Variants in ANKS1B observed in about 807,000 individuals in gnomAD.
ANKS1B encodes the protein ankyrin repeat and sterile alpha motif domain containing 1B, also known as ankyrin repeat and sterile alpha motif domain-containing protein 1B.
ANKS1B carries 36 observed loss-of-function variants against 148.3 expected under a neutral mutation model. The observed-to-expected ratio is 0.24, with a 90% CI of 0.19 to 0.32. The LOEUF is 0.32. Among genes scored for constraint, ANKS1B ranks in the 10% least tolerant of loss-of-function variants. ANKS1B has a pLI of 1.00. For synonymous variants in ANKS1B, 542 were observed against 560.8 expected (o/e 0.97, Z 0.47); for missense variants, 1,157 against 1,542.6 (o/e 0.75, Z 4.19).
At chr12:99,086,946 A>C (rs2052075820) in intron 15 of ANKS1B, among the ~76,000 whole-genome samples, 1 of 152,156 alleles carries the variant, frequency 6.6e-6, no homozygotes, top group South Asian at 2.1e-4. Context: ...GGGCATGGAG[A>C]CCACTGTGGT....
intron 17 of ANKS1B, among the ~76,000 whole-genome samples, chr12:98,874,467 A>G (rs1482701269): frequency 6.6e-6 from 1 of 152,218 alleles, no homozygotes; most frequent in African/African-American, 2.4e-5. Context: ...TAGCTTGAAC[A>G]TGAACTGAGG....
rs371428936 is a variant in ANKS1B at position 99,399,131 on chromosome 12, T to G, written c.1756+500A>C. Among the ~76,000 whole-genome samples the G allele has an allele frequency of 3.4e-4, 51 of 152,204 alleles. 1 individual carries two copies. The South Asian group carries it at 0.011, about 32-fold the overall frequency. On this transcript the variant is annotated intron_variant, in intron 12 of 26. Transcript: ENST00000683438. The stretch of plus-strand genomic sequence containing the variant: ...CATGGAACAATGTATGTTTTACTAG[T>G]GGGTGGTGTTATTTTTCTTAATCTT...
chr12:99,128,835 C>T (rs1032806094), intron 15 of ANKS1B, among the ~76,000 whole-genome samples: 19 of 152,252 alleles, frequency 1.2e-4, no homozygotes, highest in Non-Finnish European at 2.5e-4. Context: ...AAGTGGAATT[C>T]TGTGGCAAAA....
At chr12:99,366,683 C>A (rs995998708) in intron 12 of ANKS1B, among the ~76,000 whole-genome samples, 1 of 152,092 alleles carries the variant, frequency 6.6e-6, no homozygotes, top group Admixed American at 6.6e-5. Flanking sequence ...CTATCTTATA[C>A]ATTATCTCAA....
intron 15 of ANKS1B, among the ~76,000 whole-genome samples, chr12:99,092,323 C>T (rs2054297668): frequency 6.6e-6 from 1 of 152,036 alleles, no homozygotes; most frequent in Non-Finnish European, 1.5e-5. Context: ...TGGGGTGGCA[C>T]CTCTGTCCTA....
At chr12:99,525,305 T>A (rs1294887902) in intron 9 of ANKS1B, among the ~76,000 whole-genome samples, 1 of 152,216 alleles carries the variant, frequency 6.6e-6, no homozygotes, top group African/African-American at 2.4e-5. Context: ...TTCTCGTTTT[T>A]AAATGTAATA....
At chr12:99,208,918 T>C (rs2083002999) in intron 14 of ANKS1B, among the ~76,000 whole-genome samples, 1 of 152,200 alleles carries the variant, frequency 6.6e-6, no homozygotes, top group African/African-American at 2.4e-5. Flanking sequence ...TACTTTTTCC[T>C]CTCTATTTGA....
intron 9 of ANKS1B, among the ~76,000 whole-genome samples, chr12:99,561,255 G>A (rs2097333466): frequency 6.6e-6 from 1 of 152,118 alleles, no homozygotes; most frequent in African/African-American, 2.4e-5. Flanking sequence ...ATTTTACCCA[G>A]AGCAGAACTT....
chr12:99,097,593 T>C (rs2056623281), intron 15 of ANKS1B: 2 of 152,152 alleles, frequency 1.3e-5, no homozygotes, highest in Non-Finnish European at 2.9e-5. Context: ...AAAAAGAATA[T>C]ACAGTTCTTC....
At chr12:98,783,242 G>A (rs2098754962) in intron 22 of ANKS1B, among the ~76,000 whole-genome samples, 1 of 152,248 alleles carries the variant, frequency 6.6e-6, no homozygotes, top group Non-Finnish European at 1.5e-5. Flanking sequence ...CACTGGAAAA[G>A]CTCGAGTCTA....
At chr12:99,497,135 T>C (rs1361658463) in intron 10 of ANKS1B, among the ~76,000 whole-genome samples, 2 of 152,222 alleles carry the variant, frequency 1.3e-5, no homozygotes, top group Admixed American at 6.5e-5. Context: ...GTCTCTTCTA[T>C]AAAATGGTGT....
chr12:99,648,367 C>A (rs1473954317), intron 9 of ANKS1B: 1 of 1,614,138 alleles, frequency 6.2e-7, no homozygotes, highest in Admixed American at 1.7e-5. Flanking sequence ...CGTGCACAAC[C>A]GTGCCCGAAT....
chr12:98,890,418 A>AT (rs963385455), intron 17 of ANKS1B, among the ~76,000 whole-genome samples: 12 of 152,176 alleles, frequency 7.9e-5, no homozygotes, highest in Admixed American at 2.0e-4. Context: ...GACAGAAAAA[A>AT]ATATATATAT....
At chr12:99,204,632 A>G (rs1236123273) in intron 14 of ANKS1B, among the ~76,000 whole-genome samples, 1 of 152,158 alleles carries the variant, frequency 6.6e-6, no homozygotes, top group Non-Finnish European at 1.5e-5. Context: ...ATGGTGCCCT[A>G]TTGCTTTCAA....
chr12:99,367,007 G>A (rs901794478), intron 12 of ANKS1B, among the ~76,000 whole-genome samples: 3 of 152,048 alleles, frequency 2.0e-5, no homozygotes, highest in African/African-American at 7.2e-5. Flanking sequence ...TCTTTGTTAT[G>A]GGGGCTGTTT....
At chr12:99,714,140 G>A (rs997149911) in intron 8 of ANKS1B, among the ~76,000 whole-genome samples, 8 of 152,238 alleles carry the variant, frequency 5.3e-5, no homozygotes, top group South Asian at 2.1e-4. Flanking sequence ...AAGGCCGCCC[G>A]CATTCCATGG....
chr12:99,408,539 C>T (rs2094585440), intron 11 of ANKS1B, among the ~76,000 whole-genome samples: 1 of 145,170 alleles, frequency 6.9e-6, no homozygotes, highest in Admixed American at 6.8e-5. Context: ...GCAAAGGAAA[C>T]AACCAATAAA....
rs1035702241 is a variant in ANKS1B at position 99,417,737 on chromosome 12, T to C, written c.1576-17926A>G. Among the ~76,000 whole-genome samples, 179 of 152,250 alleles carry C rather than the reference T, an allele frequency of 1.2e-3. 2 individuals are homozygous for C. Among genetic ancestry groups the C allele is most frequent in the African/African-American group, 3.7e-3 (153 of 41,544 alleles). ...TTCATCAGTGTTTTGTAGTTTTCAG[T>C]ATACAAGACCTGTACATGTTAAAGA... On this transcript the variant is annotated intron_variant, in intron 11 of 26. Transcript: ENST00000683438.
chr12:99,023,967 A>G (rs2099947292), intron 17 of ANKS1B, among the ~76,000 whole-genome samples: 1 of 150,262 alleles, frequency 6.7e-6, no homozygotes, highest in Non-Finnish European at 1.5e-5. Flanking sequence ...ATTTATAGTT[A>G]ATTTAATTAT....
Sources: allele counts gnomAD v4.1 joint callset (sites outside exome capture counted in the v4.1 genomes callset), GRCh38; gene constraint gnomAD v4.1.1; transcripts MANE v1.5; gene names NCBI Gene and HGNC (gene_info 2026-07-23, HGNC 2026-07-21).